The following VRK2 variants were observed in gnomAD, a reference collection of about 807,000 sequenced individuals.
The protein encoded by VRK2 is serine/threonine-protein kinase VRK2.
A neutral mutation model predicts 57.6 loss-of-function variants in VRK2; 60 were observed. The observed-to-expected ratio is 1.04, with a 90% CI of 0.85 to 1.29. The LOEUF (loss-of-function observed/expected upper bound fraction) is 1.29. Among genes scored for constraint, VRK2 ranks in the 50% most tolerant of loss-of-function variants. The probability of loss-of-function intolerance (pLI) is 0.00; values close to 1 mark genes in which losing one functional copy is unlikely to be tolerated. For synonymous variants in VRK2, 231 were observed against 199.2 expected (o/e 1.16, Z -1.35); for missense variants, 705 against 588.1 (o/e 1.20, Z -2.06).
chr2:58,034,214 C>A (rs1273792061), intron 3 of VRK2, among the ~76,000 whole-genome samples: 2 of 151,992 alleles, frequency 1.3e-5, no homozygotes, highest in African/African-American at 4.8e-5. Context: ...TCACAAATTT[C>A]AGTATGGTCT....
chr2:58,071,274 CTT>C (rs1174778948), intron 2 of VRK2, among the ~76,000 whole-genome samples: 1 of 152,008 alleles, frequency 6.6e-6, no homozygotes, highest in Non-Finnish European at 1.5e-5. Flanking sequence ...TTAACAGTGT[CTT>C]TGACAGAGCA....
intron 7 of VRK2, among the ~76,000 whole-genome samples, chr2:58,110,172 G>A (rs959722372): frequency 6.6e-6 from 1 of 152,122 alleles, no homozygotes; most frequent in African/African-American, 2.4e-5. Flanking sequence ...CATACTCAAA[G>A]GCTAATTTGC....
intron 1 of VRK2, among the ~76,000 whole-genome samples, chr2:58,022,999 T>C (rs913269949): frequency 6.6e-6 from 1 of 152,208 alleles, no homozygotes; most frequent in Non-Finnish European, 1.5e-5. Context: ...AAGTTAGCAT[T>C]TTAACCATTT....
chr2:58,050,789 C>G (rs1247029005), intron 2 of VRK2, among the ~76,000 whole-genome samples: 3 of 152,048 alleles, frequency 2.0e-5, no homozygotes, highest in Non-Finnish European at 2.9e-5. Context: ...TTACTTGTCC[C>G]TATTCAAATG....
At chr2:58,157,947 T>G (rs115860516) in intron 12 of VRK2, among the ~76,000 whole-genome samples, 4 of 152,208 alleles carry the variant, frequency 2.6e-5, no homozygotes, top group Non-Finnish European at 4.4e-5. Context: ...ACTCCTGTTA[T>G]AGACTATCCT....
chr2:58,006,762 TATTTA>T (rs972620381), intron 1 of VRK2, among the ~76,000 whole-genome samples: 5 of 152,182 alleles, frequency 3.3e-5, no homozygotes, highest in Admixed American at 3.3e-4. Context: ...TGGCATTGGC[TATTTA>T]ATTATGGGTG....
chr2:58,154,701 ATTAT>A, intron 12 of VRK2: 2 of 714,868 alleles, frequency 2.8e-6, no homozygotes, highest in Admixed American at 2.0e-5. Context: ...AGATTTTCCT[ATTAT>A]TTCTTTCCTT....
chr2:58,022,831 C>T (rs1467130647), intron 1 of VRK2, among the ~76,000 whole-genome samples: 1 of 152,146 alleles, frequency 6.6e-6, no homozygotes, highest in African/African-American at 2.4e-5. Flanking sequence ...GCCAAGATCA[C>T]ACCACTGCAC....
At chr2:57,940,881 C>T (rs115412830) in intron 1 of VRK2, among the ~76,000 whole-genome samples, 1 of 151,018 alleles carries the variant, frequency 6.6e-6, no homozygotes, top group Non-Finnish European at 1.5e-5. Flanking sequence ...CTGCATCCTG[C>T]TCTCCAAAAA....
chr2:58,097,971 C>T (rs779295959), intron 7 of VRK2, among the ~76,000 whole-genome samples: 2 of 151,986 alleles, frequency 1.3e-5, no homozygotes, highest in African/African-American at 2.4e-5. Context: ...TTGTTATCAT[C>T]GGAGAGGACA....
chr2:58,063,888 A>G (rs1668253483), intron 2 of VRK2, among the ~76,000 whole-genome samples: 1 of 152,124 alleles, frequency 6.6e-6, no homozygotes, highest in African/African-American at 2.4e-5. Context: ...TAAAAATAGC[A>G]GTGTTAACAA....
At position 58,082,331 on chromosome 2, in the gene VRK2, C is replaced by T. The variant is rs536420450; in HGVS notation, c.137-1758C>T. Among the ~76,000 whole-genome samples, 7 of 151,838 alleles carry T rather than the reference C, an allele frequency of 4.6e-5. No homozygotes were observed. In the South Asian group the frequency reaches 1.5e-3, roughly 31 times the overall value. On this transcript the variant is annotated intron_variant, in intron 2 of 12. Transcript: ENST00000340157. The stretch of plus-strand genomic sequence containing the variant: ...TTATCTTTTTGAAACTCCCAATTTT[C>T]TTCTGTACTTTTTAGCTCATTACAT...
At chr2:58,113,681 C>G (rs1200927206) in intron 7 of VRK2, among the ~76,000 whole-genome samples, 1 of 152,078 alleles carries the variant, frequency 6.6e-6, no homozygotes, top group Non-Finnish European at 1.5e-5. Context: ...GAAGGAAATT[C>G]ACACGGTTAA....
chr2:58,092,317 A>G (rs746799375), intron 7 of VRK2, among the ~76,000 whole-genome samples: 9 of 152,084 alleles, frequency 5.9e-5, no homozygotes, highest in Non-Finnish European at 7.4e-5. Context: ...ACTTAACATA[A>G]TGCTTTTGAG....
chr2:58,093,733 C>T (rs1573057712), intron 7 of VRK2, among the ~76,000 whole-genome samples: 1 of 152,202 alleles, frequency 6.6e-6, no homozygotes, highest in African/African-American at 2.4e-5. Context: ...TCATGAAGTC[C>T]TTGCCCATGC....
chr2:58,069,074 C>G (rs1254916135), intron 2 of VRK2, among the ~76,000 whole-genome samples: 4 of 151,894 alleles, frequency 2.6e-5, no homozygotes, highest in Non-Finnish European at 5.9e-5. Context: ...CTTTGTATGC[C>G]TAGTAACTCT....
chr2:58,048,860 A>T lies in VRK2; in HGVS notation c.29A>T (p.Lys10Ile). The T allele has an allele frequency of 1.9e-6, 3 of 1,613,940 alleles. No homozygotes were observed. The highest frequency in any genetic ancestry group is 2.5e-6 in the Non-Finnish European group (3 of 1,179,892). Residue 10 changes from lysine (K) to isoleucine (I), a missense_variant, in exon 2 of 13, where the codon AAA becomes ATA. Lys to Ile is a moderately radical substitution (Grantham distance 102). Coordinates refer to ENST00000340157, the MANE Select transcript of VRK2 (RefSeq NM_006296.7). The part of the protein sequence containing the change: MPPKRNEKY[K>I]LPIPFPEGKV... The stretch of plus-strand genomic sequence containing the variant: ...CCACCAAAAAGAAATGAAAAATACA[A>T]ACTTCCTATTCCATTTCCAGAAGGC...
chr2:57,926,010 G>C (rs1670520246), intron 1 of VRK2, among the ~76,000 whole-genome samples: 1 of 151,846 alleles, frequency 6.6e-6, no homozygotes, highest in African/African-American at 2.4e-5. Flanking sequence ...GGAGCATACT[G>C]TTTAATTTCC....
chr2:58,155,747 C>T (rs1470946309), intron 12 of VRK2, among the ~76,000 whole-genome samples: 3 of 145,504 alleles, frequency 2.1e-5, no homozygotes, highest in Admixed American at 6.9e-5. Flanking sequence ...ACCTCCCCAC[C>T]GCCCCCACCA....
Sources: gnomAD v4.1 joint callset for allele counts (sites outside exome capture counted in the v4.1 genomes callset) on GRCh38, gnomAD v4.1.1 for gene constraint, MANE v1.5 for transcripts, NCBI Gene and HGNC (gene_info 2026-07-23, HGNC 2026-07-21) for gene names.